The following CAPZB variants were observed in gnomAD, a reference collection of about 807,000 sequenced individuals.
CAPZB encodes the protein capping actin protein of muscle Z-line subunit beta.
CAPZB carries 2 observed loss-of-function variants against 38.1 expected under a neutral mutation model. That is an observed-to-expected ratio of 0.05 (90% confidence interval 0.02 to 0.17). The LOEUF is 0.17. CAPZB is among the 10% of genes least tolerant of loss of function. The probability of loss-of-function intolerance (pLI) is 1.00; values close to 1 mark genes in which losing one functional copy is unlikely to be tolerated. For missense variants in CAPZB, 161 were observed against 334.2 expected (o/e 0.48, Z 4.04); for synonymous variants, 107 against 127.4 (o/e 0.84, Z 1.08).
chr1:19,413,093 T>A (rs2094364182), intron 2 of CAPZB, among the ~76,000 whole-genome samples: 1 of 152,224 alleles, frequency 6.6e-6, no homozygotes, highest in African/African-American at 2.4e-5. Context: ...CTCTTGCTAC[T>A]CATCCTCAGA....
At chr1:19,378,681 C>A (rs1368563296) in intron 3 of CAPZB, 28 bp from the exon 4 acceptor site, 3 of 1,245,582 alleles carry the variant, frequency 2.4e-6, no homozygotes, top group South Asian at 2.4e-5. Flanking sequence ...AAAGTATATA[C>A]CATGAATCGT....
intron 7 of CAPZB, 21 bp downstream of exon 7, chr1:19,345,166 G>A: frequency 1.2e-6 from 2 of 1,607,272 alleles, no homozygotes; most frequent in Non-Finnish European, 1.7e-6. Context: ...GCAGGAGCCA[G>A]CCAGAGCCCA....
intron 2 of CAPZB, among the ~76,000 whole-genome samples, chr1:19,415,620 G>A (rs1005719204): frequency 1.1e-4 from 17 of 152,368 alleles, no homozygotes; most frequent in African/African-American, 3.4e-4. Flanking sequence ...CAAAGCCAGC[G>A]CACTGCCCCT....
At chr1:19,428,140 C>T (rs531417052) in intron 1 of CAPZB, among the ~76,000 whole-genome samples, 2 of 152,190 alleles carry the variant, frequency 1.3e-5, no homozygotes, top group Admixed American at 6.5e-5. Flanking sequence ...TAGTGGCTCA[C>T]GCCTGTAATC....
intron 1 of CAPZB, among the ~76,000 whole-genome samples, chr1:19,476,652 C>T (rs1037723724): frequency 1.3e-5 from 2 of 152,252 alleles, no homozygotes; most frequent in Admixed American, 6.5e-5. Flanking sequence ...AAAGAACCGT[C>T]CTGTCCAGTA....
intron 1 of CAPZB, among the ~76,000 whole-genome samples, chr1:19,476,800 C>G (rs2094608400): frequency 6.6e-6 from 1 of 152,234 alleles, no homozygotes; most frequent in African/African-American, 2.4e-5. Flanking sequence ...AAAAAACCTC[C>G]TAAACAAAAC....
chr1:19,343,466 C>CA (rs2093943677), intron 8 of CAPZB, among the ~76,000 whole-genome samples: 1 of 152,232 alleles, frequency 6.6e-6, no homozygotes, highest in South Asian at 2.1e-4. Flanking sequence ...CAGCCCGACT[C>CA]ACACGGTGCT....
chr1:19,359,948 T>C (rs1243258435), intron 4 of CAPZB, among the ~76,000 whole-genome samples: 1 of 152,196 alleles, frequency 6.6e-6, no homozygotes, highest in East Asian at 1.9e-4. Context: ...AGCAGATGAG[T>C]GTTTTGGTCC....
At chr1:19,399,620 G>A (rs778841650) in intron 2 of CAPZB, among the ~76,000 whole-genome samples, 1 of 152,202 alleles carries the variant, frequency 6.6e-6, no homozygotes, top group African/African-American at 2.4e-5. Flanking sequence ...ATGGTTCTCT[G>A]AGAGAGGAGC....
At chr1:19,404,586 G>A (rs974105182) in intron 2 of CAPZB, among the ~76,000 whole-genome samples, 1 of 149,404 alleles carries the variant, frequency 6.7e-6, no homozygotes, top group South Asian at 2.1e-4. Flanking sequence ...AAAAATGCTC[G>A]CTTGTCATTG....
At chr1:19,406,888 C>T (rs994473388) in intron 2 of CAPZB, among the ~76,000 whole-genome samples, 1 of 152,160 alleles carries the variant, frequency 6.6e-6, no homozygotes, top group African/African-American at 2.4e-5. Flanking sequence ...AAGCTTTACA[C>T]CCCCCATCTC....
chr1:19,427,255 G>A (rs2094426206), intron 1 of CAPZB, among the ~76,000 whole-genome samples: 1 of 152,212 alleles, frequency 6.6e-6, no homozygotes, highest in Non-Finnish European at 1.5e-5. Flanking sequence ...GCTGGTTAAG[G>A]CAGATTTGTG....
chr1:19,460,045 G>T (rs948107683), intron 1 of CAPZB, among the ~76,000 whole-genome samples: 1 of 152,002 alleles, frequency 6.6e-6, no homozygotes, highest in Admixed American at 6.6e-5. Flanking sequence ...AAGTGAAAAG[G>T]TGAAAGTTCT....
At chr1:19,359,992 C>T (rs913451885) in intron 4 of CAPZB, among the ~76,000 whole-genome samples, 2 of 152,166 alleles carry the variant, frequency 1.3e-5, no homozygotes, top group African/African-American at 4.8e-5. Flanking sequence ...CCATAGAGCC[C>T]TCCTGGTCTG....
intron 2 of CAPZB, among the ~76,000 whole-genome samples, chr1:19,418,051 G>C (rs1057089019): frequency 2.9e-5 from 4 of 137,386 alleles, no homozygotes; most frequent in Non-Finnish European, 6.1e-5. Context: ...CAGGAGGATT[G>C]CTTGAACCGG....
chr1:19,422,630 G>A lies in CAPZB; in HGVS notation c.4-2880C>T, dbSNP rs193037289. Among the ~76,000 whole-genome samples, 71 of 151,972 alleles carry A rather than the reference G, an allele frequency of 4.7e-4. 1 individual carries two copies. The highest frequency in any genetic ancestry group is 2.1e-3 in the Admixed American group (32 of 15,260). On this transcript the variant is annotated intron_variant, in intron 1 of 8. Coordinates refer to ENST00000264202, the MANE Select transcript of CAPZB (RefSeq NM_004930.5). ...CGGGCGCCTGTAGTTCCAGCAACTC[G>A]GGAGGCTGAGGCAGGAGAATGGCAT...
At chr1:19,359,770 A>T (rs2094042961) in intron 4 of CAPZB, among the ~76,000 whole-genome samples, 1 of 152,186 alleles carries the variant, frequency 6.6e-6, no homozygotes. Flanking sequence ...ACGAGAGGAA[A>T]AGGACCACTG....
rs187356405 is a variant in CAPZB, at chr1:19,340,713, A to T, written c.732-1096T>A. Among the ~76,000 whole-genome samples, 7 of 152,298 alleles carry T rather than the reference A, an allele frequency of 4.6e-5. No homozygotes were observed. The East Asian group carries it at 1.3e-3, about 29-fold the overall frequency. ...GAAGTCAAGGCTTAAAAAAGAAAAA[A>T]GCTATCAACCCAATTTACAGATGAG... On this transcript the variant is annotated intron_variant, in intron 8 of 8. Coordinates refer to ENST00000264202, the MANE Select transcript of CAPZB (RefSeq NM_004930.5).
At chr1:19,460,789 G>GT (rs2094548963) in intron 1 of CAPZB, among the ~76,000 whole-genome samples, 1 of 151,962 alleles carries the variant, frequency 6.6e-6, no homozygotes, top group Non-Finnish European at 1.5e-5. Flanking sequence ...GAGGATGGCT[G>GT]TATCACTCCT....
Sources: gnomAD v4.1 joint callset for allele counts (sites outside exome capture counted in the v4.1 genomes callset) on GRCh38, gnomAD v4.1.1 for gene constraint, MANE v1.5 for transcripts, NCBI Gene and HGNC (gene_info 2026-07-23, HGNC 2026-07-21) for gene names.